The following PLEKHA1 variants were observed in gnomAD, a reference collection of about 807,000 sequenced individuals.
The protein encoded by PLEKHA1 is pleckstrin homology domain containing A1.
Under a neutral mutation model 52.0 loss-of-function variants are expected in PLEKHA1, and 34 were observed. That is an observed-to-expected ratio of 0.65 (90% CI 0.50 to 0.87). The LOEUF is 0.87. Among genes scored for constraint, PLEKHA1 ranks in the 40% least tolerant of loss-of-function variants. The pLI, the probability that PLEKHA1 is intolerant of heterozygous loss-of-function variation, is 0.00. For missense variants in PLEKHA1, 497 were observed against 504.2 expected (o/e 0.99, Z 0.14); for synonymous variants, 163 against 170.7 (o/e 0.95, Z 0.35).
At chr10:122,432,939 TAGAGA>T (rs1314427475), downstream of PLEKHA1, 1 of 152,220 alleles carries the variant, frequency 6.6e-6, no homozygotes, top group African/African-American at 2.4e-5. Context: ...CTTCCCACAT[TAGAGA>T]AAAGTGTATA....
At chr10:122,386,285 C>G (rs1330321567) in intron 1 of PLEKHA1, among the ~76,000 whole-genome samples, 1 of 141,930 alleles carries the variant, frequency 7.0e-6, no homozygotes, top group Non-Finnish European at 1.5e-5. Flanking sequence ...TTTATATGTT[C>G]TTAGTCAGCT....
intron 2 of PLEKHA1, among the ~76,000 whole-genome samples, chr10:122,396,237 T>G (rs879825796): frequency 1.3e-5 from 2 of 152,050 alleles, no homozygotes; most frequent in African/African-American, 2.4e-5. Flanking sequence ...TGAAAAGAAA[T>G]AAATTATTAC....
rs969967589 is a variant in PLEKHA1 at position 122,374,797 on chromosome 10, C to G, written c.-30C>G. 2 of 151,966 alleles carry G rather than the reference C, an allele frequency of 1.3e-5. No homozygotes were observed. The highest frequency in any genetic ancestry group is 2.9e-5 in the Non-Finnish European group (2 of 67,920). 9.4% of individuals were successfully genotyped at this position (151,966 alleles called of 1,614,324 possible). On this transcript the variant is annotated 5_prime_UTR_variant, in exon 1 of 12. Transcript: ENST00000368990. Reference sequence around the variant, plus strand: ...CCGCGGCGGCGCGGGTGCTCCGGGCCGAGGCCGCGGTAAAGTTTAGCTTGA... The same window carrying G: ...CCGCGGCGGCGCGGGTGCTCCGGGCGGAGGCCGCGGTAAAGTTTAGCTTGA...
chr10:122,408,356 G>A (rs1001166368), intron 5 of PLEKHA1, among the ~76,000 whole-genome samples: 1 of 152,098 alleles, frequency 6.6e-6, no homozygotes, highest in Non-Finnish European at 1.5e-5. Context: ...ACACTGGTAA[G>A]CTTTTCAGCA....
At chr10:122,414,446 A>C (rs906402328) in intron 6 of PLEKHA1, among the ~76,000 whole-genome samples, 1 of 152,116 alleles carries the variant, frequency 6.6e-6, no homozygotes, top group African/African-American at 2.4e-5. Flanking sequence ...AAAATTGGTA[A>C]ATTGGACCTC....
intron 3 of PLEKHA1, among the ~76,000 whole-genome samples, chr10:122,398,403 A>G (rs1294804696): frequency 1.3e-5 from 2 of 151,942 alleles, no homozygotes; most frequent in Non-Finnish European, 2.9e-5. Context: ...TGTTGAAAGG[A>G]TGATTTTCCC....
At chr10:122,426,876 C>G in intron 10 of PLEKHA1, 66 bp from the exon 11 acceptor site, 1 of 1,293,312 alleles carries the variant, frequency 7.7e-7, no homozygotes, top group Non-Finnish European at 1.1e-6. Context: ...AAAATAAATA[C>G]ATTGGCTGTA....
chr10:122,389,627 T>A lies in PLEKHA1; in HGVS notation c.-20-3554T>A, dbSNP rs568897093. Among the ~76,000 whole-genome samples the A allele has an allele frequency of 3.3e-5, 5 of 152,254 alleles. No individual in the cohort carries two copies. The South Asian group carries it at 1.0e-3, about 32-fold the overall frequency. Reference sequence around the variant, plus strand: ...AGGCAGGCTGAGGCAGGAGAATTGCTTGAACCTGGGAGGTGGAGGTTGCAG... The same window carrying A: ...AGGCAGGCTGAGGCAGGAGAATTGCATGAACCTGGGAGGTGGAGGTTGCAG... On this transcript the variant is annotated intron_variant, in intron 1 of 11. Transcript: ENST00000368990.
chr10:122,439,405 A>ATTT, the PLEKHA1 span: 5 of 127,108 alleles, frequency 3.9e-5, no homozygotes, highest in African/African-American at 1.6e-4. Context: ...TTTTTTTTTA[A>ATTT]ATTTTAAGCT....
downstream of PLEKHA1, chr10:122,436,802 T>C (rs1431376331): frequency 6.6e-6 from 1 of 152,176 alleles, no homozygotes; most frequent in Non-Finnish European, 1.5e-5. Context: ...AAAAGCCATG[T>C]GACTTTATAA....
the PLEKHA1 span, chr10:122,437,664 G>C: frequency 2.0e-5 from 3 of 152,292 alleles, no homozygotes; most frequent in African/African-American, 7.2e-5. Flanking sequence ...GAATGAGAAG[G>C]TGTGACCACC....
At chr10:122,423,115 T>G in intron 8 of PLEKHA1, 2 of 151,870 alleles carry the variant, frequency 1.3e-5, no homozygotes, top group South Asian at 4.2e-4. Flanking sequence ...CTATGATTTT[T>G]TTTTTTTTTT....
chr10:122,434,015 C>T (rs186655224), downstream of PLEKHA1: 1 of 152,276 alleles, frequency 6.6e-6, no homozygotes, highest in East Asian at 1.9e-4. Flanking sequence ...TTCTTGTTCA[C>T]GCCAGCCATG....
chr10:122,394,825 T>C (rs1008429712), intron 2 of PLEKHA1, among the ~76,000 whole-genome samples: 3 of 152,214 alleles, frequency 2.0e-5, no homozygotes, highest in African/African-American at 7.2e-5. Flanking sequence ...TTCTCCTGAA[T>C]TTTACTTGAA....
In PLEKHA1 at chr10:122,413,011, T is replaced by G; in HGVS notation, c.434T>G (p.Ile145Ser). The G allele has an allele frequency of 6.2e-7, 1 of 1,613,488 alleles. No individual in the cohort carries two copies. The highest frequency in any genetic ancestry group is 8.5e-7 in the Non-Finnish European group (1 of 1,179,562). ...GKKQVSYRTD[I>S]VGGVPIITPT... ...AAGCAAGTGTCTTACAGAACTGATA[T>G]TGTTGGTGGCGTACCCATCATTACT... is the stretch of plus-strand genomic sequence containing the variant. Residue 145 changes from isoleucine (I) to serine (S), a missense_variant, in exon 6 of 12, where the codon ATT (isoleucine) becomes AGT (serine). By Grantham distance (142) the Ile-to-Ser change is moderately radical. Transcript: ENST00000368990.
intron 11 of PLEKHA1, 130 bp from the exon 12 acceptor site, chr10:122,429,492 CTT>C: frequency 1.4e-6 from 1 of 725,360 alleles, no homozygotes. Context: ...CTGCTGCTGC[CTT>C]TGTGTGTGTG....
chr10:122,393,089 G>A lies in PLEKHA1; in HGVS notation c.-20-92G>A, dbSNP rs778914923. On this transcript the variant is annotated intron_variant, in intron 1 of 11. Coordinates refer to ENST00000368990, the MANE Select transcript of PLEKHA1 (RefSeq NM_001001974.4). This position sits in a 1 kb window ranked among gnomAD's most constrained non-coding sequence, Gnocchi z 4.5. ...TTTTAATTGACCTTACCTAATGTTG[G>A]CAAGTTGCCCCCTCATTGAACAGAT... The A allele has an allele frequency of 2.0e-6, 2 of 990,316 alleles. No individual in the cohort carries two copies. Among genetic ancestry groups the A allele is most frequent in the South Asian group, 2.2e-5 (1 of 46,178 alleles). 61.3% of individuals were successfully genotyped at this position (990,316 alleles called of 1,614,324 possible).
In PLEKHA1 at chr10:122,431,437, AG is replaced by A. The variant is rs1223035134; in HGVS notation, c.*1501del. ...GCCCGGCCCATAAGTACCGTTTTTG[AG>A]GTTCAGTCTTAAACATTTGCTTTAA... On this transcript the variant is annotated 3_prime_UTR_variant, in exon 12 of 12. Transcript: ENST00000368990. The A allele has an allele frequency of 1.3e-5, 2 of 152,602 alleles. No individual in the cohort carries two copies. Among genetic ancestry groups the A allele is most frequent in the African/African-American group, 4.8e-5 (2 of 41,430 alleles). The allele number at this position is 152,602 out of a possible 1,614,324, so 9.5% of individuals were successfully genotyped here. A position where few individuals can be genotyped will look rare whatever the true frequency, so the allele number is the denominator to read the frequency against.
At chr10:122,397,118 T>C (rs2096861375) in intron 2 of PLEKHA1, among the ~76,000 whole-genome samples, 1 of 152,066 alleles carries the variant, frequency 6.6e-6, no homozygotes, top group South Asian at 2.1e-4. Context: ...CCCTCTCTCT[T>C]TCTAGTACAG....
Sources: allele counts gnomAD v4.1 joint callset (sites outside exome capture counted in the v4.1 genomes callset), GRCh38; gene constraint gnomAD v4.1.1; non-coding constraint Gnocchi (gnomAD v3.1); transcripts MANE v1.5; gene names NCBI Gene and HGNC (gene_info 2026-07-23, HGNC 2026-07-21).